The following SCAI variants were observed in gnomAD, a reference collection of about 807,000 sequenced individuals.
SCAI encodes suppressor of cancer cell invasion, also known as protein SCAI.
Under a neutral mutation model 92.2 loss-of-function variants are expected in SCAI, and 24 were observed. That is an observed-to-expected ratio of 0.26 (90% CI 0.19 to 0.37). The LOEUF is 0.37. SCAI is among the 10% of genes least tolerant of loss of function. The pLI, the probability that SCAI is intolerant of heterozygous loss-of-function variation, is 1.00. For synonymous variants in SCAI, 261 were observed against 258.6 expected (o/e 1.01, Z -0.09); for missense variants, 450 against 736.2 (o/e 0.61, Z 4.50).
At chr9:125,042,993 G>A (rs1175372121) in intron 3 of SCAI, among the ~76,000 whole-genome samples, 3 of 149,830 alleles carry the variant, frequency 2.0e-5, no homozygotes. Flanking sequence ...AGCTTCCTGA[G>A]TAGCTGGGAT....
chr9:125,099,792 T>C (rs1189970246), intron 2 of SCAI, among the ~76,000 whole-genome samples: 1 of 152,244 alleles, frequency 6.6e-6, no homozygotes, highest in African/African-American at 2.4e-5. Flanking sequence ...ATCATATTTG[T>C]CGTTTTGTGT....
intron 17 of SCAI, among the ~76,000 whole-genome samples, chr9:124,960,397 G>A (rs975305380): frequency 3.3e-5 from 5 of 152,090 alleles, no homozygotes; most frequent in Admixed American, 6.6e-5. Flanking sequence ...GCCCTGGCCC[G>A]TAATAGCCAA....
intron 2 of SCAI, among the ~76,000 whole-genome samples, chr9:125,113,715 C>T (rs904290982): frequency 2.1e-5 from 3 of 145,610 alleles, no homozygotes; most frequent in Admixed American, 7.1e-5. Flanking sequence ...GTAATCCCAG[C>T]ACTTTGGGAG....
At chr9:124,968,249 G>T in intron 17 of SCAI, 1 of 1,078,364 alleles carries the variant, frequency 9.3e-7, no homozygotes, top group Non-Finnish European at 1.4e-6. Flanking sequence ...TGAAGCTGGG[G>T]TCTTGGCCTG....
rs1466372377 is a variant in SCAI, at chr9:124,945,113, C to G, written c.*7694G>C. The G allele has an allele frequency of 6.6e-6, 1 of 151,968 alleles. No homozygotes were observed. Among genetic ancestry groups the G allele is most frequent in the Non-Finnish European group, 1.5e-5 (1 of 67,996 alleles). 9.4% of individuals were successfully genotyped at this position (151,968 alleles called of 1,614,324 possible). On this transcript the variant is annotated 3_prime_UTR_variant, in exon 18 of 18. Transcript: ENST00000336505. ...TCCACCAAAATAGGAAATTGATACC[C>G]AATTTATAGTCTATGATGAAATTTA...
At chr9:125,032,252 C>T (rs754176479) in intron 3 of SCAI, among the ~76,000 whole-genome samples, 6 of 135,016 alleles carry the variant, frequency 4.4e-5, no homozygotes, top group Admixed American at 2.4e-4. Flanking sequence ...AGTGCAGTGG[C>T]GCGATCTCGG....
intron 2 of SCAI, among the ~76,000 whole-genome samples, chr9:125,132,382 G>C (rs1389895147): frequency 6.6e-6 from 1 of 152,056 alleles, no homozygotes; most frequent in Admixed American, 6.6e-5. Flanking sequence ...AAAGTGCTGG[G>C]ATTACAGGTG....
intron 2 of SCAI, among the ~76,000 whole-genome samples, chr9:125,108,968 T>C (rs1331123520): frequency 6.6e-6 from 1 of 152,236 alleles, no homozygotes; most frequent in South Asian, 2.1e-4. Context: ...GCTGTGTCTG[T>C]GTAGAAAGAA....
chr9:124,977,470 T>C (rs1008444118), intron 14 of SCAI, among the ~76,000 whole-genome samples: 1 of 152,018 alleles, frequency 6.6e-6, no homozygotes, highest in Non-Finnish European at 1.5e-5. Context: ...GCCCAGGAGT[T>C]TGAGACCAGC....
At position 125,095,528 on chromosome 9, in the gene SCAI, A is replaced by G. The variant is rs192687103; in HGVS notation, c.99-39521T>C. ...TCTCTCCTTCTACAGAAATGATTAC[A>G]TAATAACAGAGTCTCCTATTTTTAA... On this transcript the variant is annotated intron_variant, in intron 2 of 17. Transcript: ENST00000336505. 1.8e-3 allele frequency among the ~76,000 whole-genome samples: 274 copies of G among 152,398 alleles called. 1 individual carries two copies. Among genetic ancestry groups the G allele is most frequent in the Non-Finnish European group, 3.0e-3 (207 of 68,046 alleles).
intron 14 of SCAI, among the ~76,000 whole-genome samples, chr9:124,987,888 G>A (rs1357681899): frequency 2.6e-5 from 4 of 152,040 alleles, no homozygotes; most frequent in African/African-American, 9.7e-5. Flanking sequence ...GCTTGAACCC[G>A]GGAGGCAGAG....
At position 125,073,092 on chromosome 9, in the gene SCAI, ATTTTTTTTTTTTTTT is replaced by A. The variant is rs764858681; in HGVS notation, c.99-17100_99-17086del. Among the ~76,000 whole-genome samples the A allele has an allele frequency of 8.3e-4, 60 of 72,482 alleles. No individual in the cohort carries two copies. The East Asian group carries it at 0.026, about 31-fold the overall frequency. 47.6% of individuals were successfully genotyped at this position (72,482 alleles called of 152,430 possible). On this transcript the variant is annotated intron_variant, in intron 2 of 17. Coordinates refer to ENST00000336505, the MANE Select transcript of SCAI (RefSeq NM_001144877.3). ...GGATCATATGAGGATTCTATTTTTA[ATTTTTTTTTTTTTTT>A]TTTTTTTTTTTTTTTGAGACGGAGT...
At chr9:124,971,595 A>C in intron 16 of SCAI, 76 bp downstream of exon 16, 1 of 1,442,522 alleles carries the variant, frequency 6.9e-7, no homozygotes, top group Non-Finnish European at 9.4e-7. Context: ...TAAAAATTCA[A>C]ACAATTTAAA....
At position 125,010,715 on chromosome 9, in the gene SCAI, G is replaced by A. The variant is rs188737846; in HGVS notation, c.862-7145C>T. On this transcript the variant is annotated intron_variant, in intron 9 of 17. Coordinates refer to ENST00000336505, the MANE Select transcript of SCAI (RefSeq NM_001144877.3). ...AGCACGCAGCTTGAGATCTGAGAAC[G>A]GGCAGACTGCCTCCTCAAGTGGGTC... Among the ~76,000 whole-genome samples, 12 of 152,264 alleles carry A rather than the reference G, an allele frequency of 7.9e-5. No homozygotes were observed. In the South Asian group the frequency reaches 8.3e-4, roughly 11 times the overall value.
chr9:124,964,804 T>C (rs1204378955), intron 17 of SCAI, among the ~76,000 whole-genome samples: 1 of 152,238 alleles, frequency 6.6e-6, no homozygotes, highest in East Asian at 1.9e-4. Flanking sequence ...AGAAAGTTCC[T>C]GTTGTCCAGA....
chr9:125,004,648 C>T (rs2131042283), intron 9 of SCAI, among the ~76,000 whole-genome samples: 1 of 147,190 alleles, frequency 6.8e-6, no homozygotes, highest in African/African-American at 2.5e-5. Flanking sequence ...GAATTCTATA[C>T]ACAGAAGTTT....
At chr9:124,954,030 G>A (rs896240937) in intron 17 of SCAI, among the ~76,000 whole-genome samples, 2 of 152,114 alleles carry the variant, frequency 1.3e-5, no homozygotes, top group Non-Finnish European at 2.9e-5. Flanking sequence ...GGTATTTTTT[G>A]TAGAGACAGG....
intron 4 of SCAI, 33 bp downstream of exon 4, chr9:125,029,611 C>A: frequency 2.2e-6 from 3 of 1,363,200 alleles, no homozygotes; most frequent in South Asian, 1.2e-5. Context: ...CAAAACAGGC[C>A]TTCACTCTCC....
In SCAI at chr9:125,025,130, T is replaced by C. The variant is rs538978661; in HGVS notation, c.512+1682A>G. On this transcript the variant is annotated intron_variant, in intron 6 of 17. Coordinates refer to ENST00000336505, the MANE Select transcript of SCAI (RefSeq NM_001144877.3). ...TGATTGCAATCTTGACTAGCACTCT[T>C]ACCCTGTGTAAACTAAGAAACAACC... Among the ~76,000 whole-genome samples, 9 of 152,344 alleles carry C rather than the reference T, an allele frequency of 5.9e-5. 1 individual carries two copies. The East Asian group carries it at 1.7e-3, about 29-fold the overall frequency.
Sources: gnomAD v4.1 joint callset for allele counts (sites outside exome capture counted in the v4.1 genomes callset) on GRCh38, gnomAD v4.1.1 for gene constraint, MANE v1.5 for transcripts, NCBI Gene and HGNC (gene_info 2026-07-23, HGNC 2026-07-21) for gene names.